Variants in CAMKMT observed in about 807,000 individuals in gnomAD.
The protein encoded by CAMKMT is calmodulin-lysine N-methyltransferase.
CAMKMT carries 53 observed loss-of-function variants against 48.0 expected under a neutral mutation model. The ratio of observed to expected loss-of-function variants is 1.10; its 90% CI spans 0.89 to 1.39. The LOEUF (loss-of-function observed/expected upper bound fraction) is 1.39. Ranked by LOEUF, CAMKMT falls within the 40% of genes most tolerant of loss-of-function variation. CAMKMT has a pLI of 0.00. For synonymous variants in CAMKMT, 165 were observed against 152.3 expected, an observed-to-expected ratio of 1.08 and a Z score of -0.61; for missense variants, 428 against 402.7, an observed-to-expected ratio of 1.06 and a Z score of -0.54.
chr2:44,538,262 G>A (rs764843728), intron 3 of CAMKMT, among the ~76,000 whole-genome samples: 1 of 151,860 alleles, frequency 6.6e-6, no homozygotes, highest in Admixed American at 6.6e-5. Flanking sequence ...CCAGCTACTC[G>A]GGAAGCTGAG....
intron 1 of CAMKMT, among the ~76,000 whole-genome samples, chr2:44,371,958 T>C (rs1679221272): frequency 6.6e-6 from 1 of 152,190 alleles, no homozygotes; most frequent in African/African-American, 2.4e-5. Context: ...ACCTGGCTTT[T>C]AGCAACACCA....
chr2:44,524,702 T>C (rs1265209920), intron 3 of CAMKMT, among the ~76,000 whole-genome samples: 1 of 152,212 alleles, frequency 6.6e-6, no homozygotes, highest in Non-Finnish European at 1.5e-5. Context: ...TGTTAGCCTT[T>C]ATCTCATTCT....
At chr2:44,633,604 G>A (rs1672962738) in intron 3 of CAMKMT, among the ~76,000 whole-genome samples, 2 of 151,790 alleles carry the variant, frequency 1.3e-5, no homozygotes, top group African/African-American at 2.4e-5. Flanking sequence ...GAGTTCATTT[G>A]TTTTCTTTCT....
intron 3 of CAMKMT, among the ~76,000 whole-genome samples, chr2:44,394,722 C>G (rs1047826953): frequency 1.1e-4 from 16 of 152,198 alleles, no homozygotes; most frequent in Admixed American, 7.9e-4. Flanking sequence ...GCCACTGTGC[C>G]TGACCTGACC....
At chr2:44,390,120 G>A in intron 2 of CAMKMT, 121 bp from the exon 3 acceptor site, 1 of 661,046 alleles carries the variant, frequency 1.5e-6, no homozygotes, top group Non-Finnish European at 2.6e-6. Flanking sequence ...TTAAAATATA[G>A]CATGGAATAA....
rs531271143 is a variant in CAMKMT at position 44,401,919 on chromosome 2, T to C, written c.376+11614T>C. Among the ~76,000 whole-genome samples, 6 of 152,348 alleles carry C rather than the reference T, an allele frequency of 3.9e-5. 1 individual carries two copies. The South Asian group carries it at 1.2e-3, about 32-fold the overall frequency. On this transcript the variant is annotated intron_variant, in intron 3 of 10. Transcript: ENST00000378494. ...GTTTTGTATCTCGTTCTAAATTCCA[T>C]GGCTTCCTTTTTGTTTGGTCTGTTG... is the stretch of plus-strand genomic sequence containing the variant.
intron 3 of CAMKMT, among the ~76,000 whole-genome samples, chr2:44,490,517 C>T (rs1197292131): frequency 6.6e-6 from 1 of 152,074 alleles, no homozygotes; most frequent in East Asian, 1.9e-4. Flanking sequence ...TCAGGTGATC[C>T]ACCTGCCTCG....
chr2:44,668,855 C>T (rs571717639), intron 3 of CAMKMT, among the ~76,000 whole-genome samples: 2 of 152,002 alleles, frequency 1.3e-5, no homozygotes, highest in South Asian at 4.2e-4. Flanking sequence ...AGTCTTGGCT[C>T]ACTACAACCT....
chr2:44,631,515 G>C, intron 3 of CAMKMT: 1 of 620,608 alleles, frequency 1.6e-6, no homozygotes. Flanking sequence ...TATTGCCCAT[G>C]TTGGTCTTGA....
intron 3 of CAMKMT, among the ~76,000 whole-genome samples, chr2:44,629,946 T>C (rs1237691353): frequency 2.0e-5 from 3 of 150,256 alleles, no homozygotes; most frequent in African/African-American, 2.4e-5. Flanking sequence ...AAGTCAATCC[T>C]AAGCCAAAAG....
At chr2:44,660,446 A>G (rs182329588) in intron 3 of CAMKMT, among the ~76,000 whole-genome samples, 1 of 152,374 alleles carries the variant, frequency 6.6e-6, no homozygotes, top group Admixed American at 6.5e-5. Context: ...AACATAAGAA[A>G]TGGAAATAAT....
In CAMKMT at chr2:44,629,126, A is replaced by G. The variant is rs556395286; in HGVS notation, c.377-75157A>G. On this transcript the variant is annotated intron_variant, in intron 3 of 10. Transcript: ENST00000378494. ...TGAGAGAAGAGTAGTGAAATCTCCT[A>G]TATAATATATACGTATGTGTCTATA... Among the ~76,000 whole-genome samples the G allele has an allele frequency of 2.0e-5, 3 of 152,278 alleles. No individual in the cohort carries two copies. The East Asian group carries it at 5.8e-4, about 29-fold the overall frequency.
intron 3 of CAMKMT, 113 bp downstream of exon 3, chr2:44,390,418 T>G: frequency 1.4e-6 from 1 of 700,608 alleles, no homozygotes; most frequent in Non-Finnish European, 2.3e-6. Flanking sequence ...TATGCATATA[T>G]GTATATATAA....
intron 3 of CAMKMT, among the ~76,000 whole-genome samples, chr2:44,591,352 C>T (rs1326741040): frequency 1.3e-5 from 2 of 152,112 alleles, no homozygotes; most frequent in Non-Finnish European, 2.9e-5. Flanking sequence ...GGCAGTATGA[C>T]CATTTTCACG....
At chr2:44,654,938 TCTAA>T (rs1674294605) in intron 3 of CAMKMT, among the ~76,000 whole-genome samples, 1 of 152,248 alleles carries the variant, frequency 6.6e-6, no homozygotes, top group Admixed American at 6.5e-5. Context: ...CCATAATTTG[TCTAA>T]CTAACCCCTT....
intron 3 of CAMKMT, among the ~76,000 whole-genome samples, chr2:44,547,451 T>G (rs1353959356): frequency 6.6e-6 from 1 of 152,070 alleles, no homozygotes; most frequent in Non-Finnish European, 1.5e-5. Context: ...GACCGGGAAC[T>G]TGAGGCTGTA....
At chr2:44,451,438 T>TCTTCTAC (rs1667282165) in intron 3 of CAMKMT, among the ~76,000 whole-genome samples, 1 of 151,992 alleles carries the variant, frequency 6.6e-6, no homozygotes, top group South Asian at 2.1e-4. Flanking sequence ...AGGCTGGTGT[T>TCTTCTAC]CTTCTACCTT....
chr2:44,533,860 C>T (rs1340291125), intron 3 of CAMKMT, among the ~76,000 whole-genome samples: 1 of 152,098 alleles, frequency 6.6e-6, no homozygotes, highest in Non-Finnish European at 1.5e-5. Flanking sequence ...ACACAATTAA[C>T]AGTATAACAG....
chr2:44,539,880 G>A (rs1249220496), intron 3 of CAMKMT, among the ~76,000 whole-genome samples: 1 of 152,172 alleles, frequency 6.6e-6, no homozygotes, highest in Admixed American at 6.5e-5. Context: ...TCTTGACTGT[G>A]ATCAATTGGT....
Sources: gnomAD v4.1 joint callset for allele counts (sites outside exome capture counted in the v4.1 genomes callset) on GRCh38, gnomAD v4.1.1 for gene constraint, MANE v1.5 for transcripts, NCBI Gene and HGNC (gene_info 2026-07-23, HGNC 2026-07-21) for gene names.